ATG4C: variants seen among roughly 807,000 people sequenced by gnomAD.
ATG4C encodes the protein autophagy related 4C cysteine peptidase, also known as cysteine protease ATG4C.
A neutral mutation model predicts 57.6 loss-of-function variants in ATG4C; 56 were observed. The observed-to-expected ratio is 0.97, with a 90% CI of 0.78 to 1.21. The LOEUF is 1.21. Among genes scored for constraint, ATG4C ranks in the 50% most tolerant of loss-of-function variants. The pLI is 0.00. For synonymous variants in ATG4C, 157 were observed against 174.1 expected, an observed-to-expected ratio of 0.90 and a Z score of 0.78; for missense variants, 595 against 529.8, an observed-to-expected ratio of 1.12 and a Z score of -1.21.
intron 10 of ATG4C, among the ~76,000 whole-genome samples, chr1:62,858,336 C>G (rs890295572): frequency 3.9e-5 from 6 of 152,108 alleles, no homozygotes; most frequent in Non-Finnish European, 7.4e-5. Flanking sequence ...GTGGTTACAC[C>G]AGAACAAAAC....
At position 62,819,184 on chromosome 1, in the gene ATG4C, C is replaced by A. The variant is rs901516988; in HGVS notation, c.574C>A (p.Arg192=). 7 of 1,613,416 alleles carry A rather than the reference C, an allele frequency of 4.3e-6. No homozygotes were observed. The highest frequency in any genetic ancestry group is 5.9e-6 in the Non-Finnish European group (7 of 1,179,658). ...IGKYSDDHEM[R]NEVYHRKIIS... Reference sequence around the variant, plus strand: ...GAAATATTCTGATGATCATGAAATGCGAAATGAAGTTTATCATAGGAAAAT... The same window carrying A: ...GAAATATTCTGATGATCATGAAATGAGAAATGAAGTTTATCATAGGAAAAT... Residue 192 remains arginine (R), a synonymous_variant, in exon 5 of 11, where the codon CGA becomes AGA. Transcript: ENST00000317868.
rs201730291 is a variant in ATG4C, at chr1:62,816,670, A to G, written c.256A>G (p.Arg86Gly). The G allele has an allele frequency of 2.5e-6, 4 of 1,613,900 alleles. No homozygotes were observed. The East Asian group carries it at 6.7e-5, about 27-fold the overall frequency. ...VEEFRKDFIS[R>G]IWLTYREEFP... ...AGAATTTCGTAAAGATTTCATTTCTAGAATATGGCTGACCTACAGGGAAGA... is the reference window on the plus strand; with the variant it reads ...AGAATTTCGTAAAGATTTCATTTCTGGAATATGGCTGACCTACAGGGAAGA... Residue 86 changes from arginine to glycine, a missense_variant, in exon 4 of 11, where the codon AGA becomes GGA. By Grantham distance (125) the Arg-to-Gly change is moderately radical. Transcript: ENST00000317868.
chr1:62,827,654 AT>A (rs929222985), intron 6 of ATG4C, among the ~76,000 whole-genome samples: 1 of 151,826 alleles, frequency 6.6e-6, no homozygotes, highest in Non-Finnish European at 1.5e-5. Flanking sequence ...TCAGGTAGGT[AT>A]TTTTTTTAAA....
intron 5 of ATG4C, among the ~76,000 whole-genome samples, chr1:62,819,538 T>G (rs1008833591): frequency 6.6e-6 from 1 of 152,020 alleles, no homozygotes; most frequent in Non-Finnish European, 1.5e-5. Flanking sequence ...CTGACAAATT[T>G]TTCTTCTCTT....
chr1:62,833,757 C>G lies in ATG4C; in HGVS notation c.934-281C>G, dbSNP rs567885472. On this transcript the variant is annotated intron_variant, in intron 7 of 10. Coordinates refer to ENST00000317868, the MANE Select transcript of ATG4C (RefSeq NM_032852.4). ...CTTTGGCAGGAATTTTATTGCCTTA[C>G]GGTGGTAAAATTGATTATCTCTCTA... Among the ~76,000 whole-genome samples, 8 of 152,118 alleles carry G rather than the reference C, an allele frequency of 5.3e-5. No individual in the cohort carries two copies. The highest frequency in any genetic ancestry group is 1.7e-4 in the African/African-American group (7 of 41,522).
intron 10 of ATG4C, among the ~76,000 whole-genome samples, chr1:62,859,315 G>C (rs1233369983): frequency 6.6e-6 from 1 of 152,114 alleles, no homozygotes; most frequent in African/African-American, 2.4e-5. Flanking sequence ...AAGCATTTCA[G>C]GTAAGGAATA....
chr1:62,836,100 T>C (rs2100339554), intron 9 of ATG4C, among the ~76,000 whole-genome samples: 1 of 152,222 alleles, frequency 6.6e-6, no homozygotes, highest in African/African-American at 2.4e-5. Context: ...ATCTGATATT[T>C]TGAGAGACTG....
intron 4 of ATG4C, among the ~76,000 whole-genome samples, chr1:62,817,595 C>T (rs1572125721): frequency 1.3e-5 from 2 of 152,162 alleles, no homozygotes; most frequent in African/African-American, 4.8e-5. Flanking sequence ...GATGCTCCCA[C>T]CTTGTCCTGC....
At position 62,815,840 on chromosome 1, in the gene ATG4C, A is replaced by G. The variant is rs184230562; in HGVS notation, c.161-735A>G. Among the ~76,000 whole-genome samples, 678 of 152,308 alleles carry G rather than the reference A, an allele frequency of 4.5e-3. 3 individuals are homozygous for G. The highest frequency in any genetic ancestry group is 7.7e-3 in the Admixed American group (118 of 15,290). On this transcript the variant is annotated intron_variant, in intron 3 of 10. Coordinates refer to ENST00000317868, the MANE Select transcript of ATG4C (RefSeq NM_032852.4). ...GCTGGGACTACAGGTGCCTGCCACC[A>G]TGCCTGGTTAATTTTTGTATTTTTA...
At chr1:62,856,799 A>G (rs779915826) in intron 10 of ATG4C, among the ~76,000 whole-genome samples, 3 of 152,178 alleles carry the variant, frequency 2.0e-5, no homozygotes, top group Non-Finnish European at 4.4e-5. Flanking sequence ...TGACTAGATG[A>G]TAGAAACATC....
intron 10 of ATG4C, among the ~76,000 whole-genome samples, chr1:62,854,920 C>T (rs1339471312): frequency 4.6e-5 from 7 of 152,124 alleles, no homozygotes; most frequent in East Asian, 1.9e-4. Context: ...GAGGACCCTA[C>T]GGTTTCCTAT....
chr1:62,834,047 A>G lies in ATG4C; in HGVS notation c.943A>G (p.Ser315Gly). The change falls in exon 8 of 11, where the codon AGC becomes GGC. Residue 315 changes from serine (S) to glycine (G), a missense_variant. Ser to Gly is a moderately conservative substitution (Grantham distance 56). Transcript: ENST00000317868. ...DYLEFVKGIL[S>G]LEYCVGIIGG... ...TAATTTTTTTTGGCAGGGTATTTTA[A>G]GCCTGGAATATTGTGTGGGTATTAT... 6.2e-7 allele frequency: 1 copy of G among 1,611,794 alleles called. No homozygotes were observed. Among genetic ancestry groups the G allele is most frequent in the Non-Finnish European group, 8.5e-7 (1 of 1,178,914 alleles).
chr1:62,823,324 C>T (rs1377936909), intron 6 of ATG4C, among the ~76,000 whole-genome samples: 1 of 152,194 alleles, frequency 6.6e-6, no homozygotes, highest in East Asian at 1.9e-4. Flanking sequence ...TTTCTCTTGA[C>T]TAATAGTGGC....
intron 6 of ATG4C, among the ~76,000 whole-genome samples, chr1:62,826,536 G>A (rs1665662379): frequency 6.6e-6 from 1 of 151,622 alleles, no homozygotes; most frequent in Non-Finnish European, 1.5e-5. Context: ...ACGCCCGGCC[G>A]ACCATTCCCT....
At position 62,864,016 on chromosome 1, in the gene ATG4C, A is replaced by G. The variant is rs1192273463; in HGVS notation, c.1234A>G (p.Lys412Glu). 1 of 1,579,286 alleles carries G rather than the reference A, an allele frequency of 6.3e-7. No homozygotes were observed. Among genetic ancestry groups the G allele is most frequent in the African/African-American group, 1.4e-5 (1 of 72,702 alleles). ...TKMLKFSSKEKYPLFTFVNGH... is the reference protein window; with the variant it reads ...TKMLKFSSKEEYPLFTFVNGH... ...GATGCTGAAATTTTCTTCTAAGGAG[A>G]AATATCCCTTATTTACTTTTGTAAA... Residue 412 changes from lysine to glutamate, a missense_variant, in exon 11 of 11, where the codon AAA (lysine) becomes GAA (glutamate). Coordinates refer to ENST00000317868, the MANE Select transcript of ATG4C (RefSeq NM_032852.4).
chr1:62,862,241 C>T (rs1396855984), intron 10 of ATG4C, among the ~76,000 whole-genome samples: 1 of 151,952 alleles, frequency 6.6e-6, no homozygotes, highest in Non-Finnish European at 1.5e-5. Context: ...TAGCAGTTTC[C>T]TTTCTGACTT....
In ATG4C at chr1:62,844,308, A is replaced by T. The variant is rs114880845; in HGVS notation, c.1209+2761A>T. Among the ~76,000 whole-genome samples, 1,079 of 152,338 alleles carry T rather than the reference A, an allele frequency of 7.1e-3. 12 individuals carry two copies. The highest frequency in any genetic ancestry group is 0.025 in the African/African-American group (1,027 of 41,574). On this transcript the variant is annotated intron_variant, in intron 10 of 10. Coordinates refer to ENST00000317868, the MANE Select transcript of ATG4C (RefSeq NM_032852.4). ...CTTGATGTTGTTTTTAGGTGGCACTAGGACAAACATTTTAATACTTAACAT... is the reference window on the plus strand; with the variant it reads ...CTTGATGTTGTTTTTAGGTGGCACTTGGACAAACATTTTAATACTTAACAT...
At chr1:62,860,461 G>A (rs1470726743) in intron 10 of ATG4C, among the ~76,000 whole-genome samples, 2 of 152,092 alleles carry the variant, frequency 1.3e-5, no homozygotes, top group African/African-American at 4.8e-5. Flanking sequence ...AATGCATTGT[G>A]GAATGACATT....
At chr1:62,857,588 G>A (rs910210843) in intron 10 of ATG4C, among the ~76,000 whole-genome samples, 3 of 152,130 alleles carry the variant, frequency 2.0e-5, no homozygotes, top group Middle Eastern at 3.4e-3. Flanking sequence ...CCCCCAGTCC[G>A]TGGAGAAATT....
Sources: allele counts gnomAD v4.1 joint callset (sites outside exome capture counted in the v4.1 genomes callset), GRCh38; gene constraint gnomAD v4.1.1; transcripts MANE v1.5; gene names NCBI Gene and HGNC (gene_info 2026-07-23, HGNC 2026-07-21).